MAGI1: variants seen among roughly 807,000 people sequenced by gnomAD.
The protein encoded by MAGI1 is membrane-associated guanylate kinase, WW and PDZ domain-containing protein 1.
MAGI1 carries 58 observed loss-of-function variants against 139.9 expected under a neutral mutation model. That is an observed-to-expected ratio of 0.41 (90% CI 0.34 to 0.52). The LOEUF (loss-of-function observed/expected upper bound fraction) is 0.52, where lower values mean the gene tolerates loss of function less well. Ranked by LOEUF, MAGI1 falls within the 20% of genes least tolerant of loss-of-function variation. The pLI is 0.12. For missense variants in MAGI1, 1,874 were observed against 1,901.6 expected (o/e 0.99, Z 0.27); for synonymous variants, 812 against 737.9 (o/e 1.10, Z -1.63).
intron 1 of MAGI1, among the ~76,000 whole-genome samples, chr3:65,883,318 C>T (rs1008704545): frequency 1.3e-5 from 2 of 152,120 alleles, no homozygotes; most frequent in East Asian, 3.9e-4. Context: ...TCACAAAACC[C>T]TCCTCCACAG....
intron 2 of MAGI1, among the ~76,000 whole-genome samples, chr3:65,551,941 A>T (rs1424753793): frequency 6.6e-6 from 1 of 152,246 alleles, no homozygotes; most frequent in Admixed American, 6.5e-5. Context: ...GGCTCATCAG[A>T]GGACTAGATA....
chr3:65,777,056 G>A (rs2038502686), intron 1 of MAGI1, among the ~76,000 whole-genome samples: 1 of 152,174 alleles, frequency 6.6e-6, no homozygotes, highest in African/African-American at 2.4e-5. Flanking sequence ...CCAAGGCTGT[G>A]GGTAGATGGA....
At chr3:65,651,104 T>G (rs535229020) in intron 1 of MAGI1, among the ~76,000 whole-genome samples, 1 of 152,280 alleles carries the variant, frequency 6.6e-6, no homozygotes, top group East Asian at 1.9e-4. Context: ...ATTTATTTTA[T>G]GATAACTTTT....
At chr3:65,672,380 G>T (rs2086914793) in intron 1 of MAGI1, among the ~76,000 whole-genome samples, 1 of 152,168 alleles carries the variant, frequency 6.6e-6, no homozygotes, top group Non-Finnish European at 1.5e-5. Flanking sequence ...AGCTCCAAAG[G>T]AGAAACTGCT....
intron 1 of MAGI1, among the ~76,000 whole-genome samples, chr3:66,002,405 T>C (rs150631951): frequency 1.8e-3 from 281 of 152,128 alleles, no homozygotes; most frequent in Non-Finnish European, 2.9e-3. Flanking sequence ...AGCTCTTAGG[T>C]AGGAATTAGG....
intron 1 of MAGI1, among the ~76,000 whole-genome samples, chr3:65,706,761 G>A (rs1576819002): frequency 6.6e-6 from 1 of 152,176 alleles, no homozygotes; most frequent in African/African-American, 2.4e-5. Context: ...ATGGATGGGT[G>A]GGTGGGGGGA....
At chr3:65,949,361 T>C (rs1342328908) in intron 1 of MAGI1, among the ~76,000 whole-genome samples, 2 of 152,226 alleles carry the variant, frequency 1.3e-5, no homozygotes. Context: ...GGCTGGAAAT[T>C]GCTAAGTTCC....
chr3:65,572,865 T>C (rs17073130), intron 2 of MAGI1, among the ~76,000 whole-genome samples: 19,204 of 151,444 alleles, frequency 0.13, 1,444 homozygotes, highest in Middle Eastern at 0.18. Flanking sequence ...AAGCAGCAAC[T>C]AGATCATAGG....
intron 1 of MAGI1, chr3:65,717,594 A>C (rs1308488273): frequency 6.6e-6 from 1 of 152,226 alleles, no homozygotes; most frequent in Non-Finnish European, 1.5e-5. Flanking sequence ...TTCACGTACA[A>C]ATATATGTGC....
At chr3:65,481,640 T>C (rs1425211978) in intron 3 of MAGI1, among the ~76,000 whole-genome samples, 1 of 152,236 alleles carries the variant, frequency 6.6e-6, no homozygotes, top group Non-Finnish European at 1.5e-5. Flanking sequence ...TCGTAATTTT[T>C]ATATGCATAA....
chr3:65,439,863 G>T lies in MAGI1; in HGVS notation c.1270+16C>A, dbSNP rs781576634. ...GCTCCCCTGATCAAGAAAAAGCCTA[G>T]AGGAAAGAGGCCAACCTTCTGTCTG... On this transcript the variant is annotated intron_variant, in intron 9 of 22. Transcript: ENST00000402939. 1.2e-6 allele frequency: 2 copies of T among 1,609,580 alleles called. No individual in the cohort carries two copies. Among genetic ancestry groups the T allele is most frequent in the South Asian group, 2.2e-5 (2 of 91,046 alleles).
intron 2 of MAGI1, among the ~76,000 whole-genome samples, chr3:65,500,223 A>T (rs536768008): frequency 6.6e-6 from 1 of 152,306 alleles, no homozygotes; most frequent in South Asian, 2.1e-4. Flanking sequence ...TTTAAACCCC[A>T]AACTGCTCAT....
chr3:65,796,576 G>A (rs565178157), intron 1 of MAGI1, among the ~76,000 whole-genome samples: 1 of 152,066 alleles, frequency 6.6e-6, no homozygotes, highest in East Asian at 1.9e-4. Context: ...TATCTATGTG[G>A]GGCAAGTTAG....
chr3:65,429,148 G>A (rs891609951), intron 12 of MAGI1, among the ~76,000 whole-genome samples: 3 of 151,954 alleles, frequency 2.0e-5, no homozygotes, highest in African/African-American at 7.2e-5. Flanking sequence ...ACTTTTTAGA[G>A]AATGGGGTCT....
chr3:65,749,710 TAAAAA>T (rs11328627), intron 1 of MAGI1, among the ~76,000 whole-genome samples: 1 of 134,828 alleles, frequency 7.4e-6, no homozygotes, highest in Non-Finnish European at 1.6e-5. Flanking sequence ...TAGTCTGAGT[TAAAAA>T]AAAAAAAAAA....
At chr3:65,672,321 G>C (rs2086910731) in intron 1 of MAGI1, among the ~76,000 whole-genome samples, 1 of 152,190 alleles carries the variant, frequency 6.6e-6, no homozygotes, top group South Asian at 2.1e-4. Flanking sequence ...TCCATGGCAA[G>C]AAAGTACTTT....
At position 65,659,221 on chromosome 3, in the gene MAGI1, A is replaced by G. The variant is rs72908115; in HGVS notation, c.314-37133T>C. On this transcript the variant is annotated intron_variant, in intron 1 of 22. Coordinates refer to ENST00000402939, the MANE Select transcript of MAGI1 (RefSeq NM_001033057.2). ...AGTTCTGTTTCTGGAGGAAAAAAAA[A>G]TGACATGAAAATGAGGCAGGAATAA... Among the ~76,000 whole-genome samples the G allele has an allele frequency of 2.8e-3, 430 of 152,312 alleles. 2 individuals carry two copies. Among genetic ancestry groups the G allele is most frequent in the African/African-American group, 9.6e-3 (397 of 41,568 alleles).
intron 1 of MAGI1, among the ~76,000 whole-genome samples, chr3:65,951,014 AGG>A (rs2063823006): frequency 1.6e-4 from 20 of 123,380 alleles, no homozygotes; most frequent in Non-Finnish European, 5.5e-5. Context: ...GAAGGAAGGA[AGG>A]AAGGAAGGAA....
chr3:65,710,653 C>G (rs1458812138), intron 1 of MAGI1, among the ~76,000 whole-genome samples: 1 of 152,124 alleles, frequency 6.6e-6, no homozygotes, highest in East Asian at 1.9e-4. Flanking sequence ...CTCATATACC[C>G]TACGAGGTAG....
Sources: gnomAD v4.1 joint callset for allele counts (sites outside exome capture counted in the v4.1 genomes callset) on GRCh38, gnomAD v4.1.1 for gene constraint, MANE v1.5 for transcripts, NCBI Gene and HGNC (gene_info 2026-07-23, HGNC 2026-07-21) for gene names.